The following STK33 variants were observed in gnomAD, a reference collection of about 807,000 sequenced individuals.
STK33 encodes serine/threonine kinase 33.
In STK33, 52 loss-of-function variants were observed where a neutral mutation model predicts 58.0. The observed-to-expected ratio is 0.90, with a 90% CI of 0.72 to 1.13. The LOEUF (loss-of-function observed/expected upper bound fraction) is 1.13. Ranked by LOEUF, STK33 falls within the 50% of genes most tolerant of loss-of-function variation. The probability of loss-of-function intolerance (pLI) is 0.00; values close to 1 mark genes in which losing one functional copy is unlikely to be tolerated. For missense variants in STK33, 630 were observed against 604.2 expected, an observed-to-expected ratio of 1.04 and a Z score of -0.45; for synonymous variants, 215 against 200.1, an observed-to-expected ratio of 1.07 and a Z score of -0.63.
Position 8,535,079 on chromosome 11 carries a change from C to T in STK33, c.-465-54465G>A, listed in dbSNP as rs138745384. 7.0e-3 allele frequency among the ~76,000 whole-genome samples: 1,064 copies of T among 152,164 alleles called. 12 individuals are homozygous for T. Among genetic ancestry groups the T allele is most frequent in the African/African-American group, 0.023 (969 of 41,516 alleles). ...CTTAGGAAAAAATATTTCCTTTATA[C>T]AAAATAGACGAGAGAACATGGATAT... On this transcript the variant is annotated intron_variant, in intron 1 of 15. Transcript: ENST00000687296.
chr11:8,552,354 T>G (rs955462633), intron 1 of STK33, among the ~76,000 whole-genome samples: 1 of 152,212 alleles, frequency 6.6e-6, no homozygotes, highest in African/African-American at 2.4e-5. Flanking sequence ...AGTTGTATTT[T>G]TGTAGGGAGA....
intron 14 of STK33, among the ~76,000 whole-genome samples, chr11:8,428,141 T>C (rs1942993830): frequency 6.6e-6 from 1 of 152,172 alleles, no homozygotes; most frequent in Non-Finnish European, 1.5e-5. Flanking sequence ...ACTCCTAAAG[T>C]ACACCAAAAG....
chr11:8,588,337 C>T (rs2032050087), intron 1 of STK33, among the ~76,000 whole-genome samples: 1 of 152,186 alleles, frequency 6.6e-6, no homozygotes, highest in East Asian at 1.9e-4. Context: ...CTGGAATGTC[C>T]TCTGTGTAGG....
intron 1 of STK33, among the ~76,000 whole-genome samples, chr11:8,551,540 A>G (rs1406854946): frequency 6.6e-6 from 1 of 152,108 alleles, no homozygotes; most frequent in Non-Finnish European, 1.5e-5. Flanking sequence ...AGTTTTCACA[A>G]TCCTTGTGTC....
intron 15 of STK33, among the ~76,000 whole-genome samples, chr11:8,401,284 G>A (rs1283675533): frequency 6.6e-6 from 1 of 152,052 alleles, no homozygotes; most frequent in Non-Finnish European, 1.5e-5. Context: ...TAGACCAATG[G>A]AACAGAACAG....
chr11:8,373,777 T>G, the STK33 span, among the ~76,000 whole-genome samples: 3 of 152,172 alleles, frequency 2.0e-5, no homozygotes, highest in African/African-American at 7.2e-5. Context: ...CGGCTGAGTG[T>G]GAGCTGGAAA....
At chr11:8,550,085 A>G (rs149996059) in intron 1 of STK33, among the ~76,000 whole-genome samples, 31 of 152,366 alleles carry the variant, frequency 2.0e-4, no homozygotes, top group African/African-American at 7.0e-4. Context: ...ATATATCAGC[A>G]TCTTCTGCAA....
chr11:8,446,226 C>T (rs1005588178), intron 11 of STK33, among the ~76,000 whole-genome samples: 2 of 151,902 alleles, frequency 1.3e-5, no homozygotes, highest in African/African-American at 4.8e-5. Flanking sequence ...GTGCTGATAT[C>T]CTCTTTACCA....
chr11:8,454,758 T>G lies in STK33; in HGVS notation c.772A>C (p.Asn258His). 2 of 1,579,052 alleles carry G rather than the reference T, an allele frequency of 1.3e-6. No individual in the cohort carries two copies. The highest frequency in any genetic ancestry group is 8.6e-7 in the Non-Finnish European group (1 of 1,160,546). Reference protein sequence around the residue: ...SSLIDDNNEINLNIKVTDFGL... With the variant: ...SSLIDDNNEIHLNIKVTDFGL... Reference sequence around the variant, plus strand: ...GCTAATCTTACCTTTATGTTTAAGTTTATTTCATTGTTATCATCAATAAGA... The same window carrying G: ...GCTAATCTTACCTTTATGTTTAAGTGTATTTCATTGTTATCATCAATAAGA... The change falls in exon 10 of 16, where the codon AAC (asparagine) becomes CAC (histidine). Residue 258 changes from asparagine (N) to histidine (H), a missense_variant. Transcript: ENST00000687296.
At chr11:8,411,569 C>T (rs1443690221) in intron 15 of STK33, among the ~76,000 whole-genome samples, 1 of 152,174 alleles carries the variant, frequency 6.6e-6, no homozygotes, top group African/African-American at 2.4e-5. Context: ...GAGAAATTCC[C>T]AAACCTAAGC....
At chr11:8,497,311 A>G (rs1373308955) in intron 1 of STK33, among the ~76,000 whole-genome samples, 1 of 152,196 alleles carries the variant, frequency 6.6e-6, no homozygotes, top group African/African-American at 2.4e-5. Flanking sequence ...TATTATTCAA[A>G]CTGTCAAAAA....
At chr11:8,400,194 G>C (rs1350908071) in intron 15 of STK33, among the ~76,000 whole-genome samples, 26 of 152,152 alleles carry the variant, frequency 1.7e-4, no homozygotes, top group Admixed American at 1.6e-3. Flanking sequence ...CAATATCCCT[G>C]ATAAACATTG....
rs971676155 is a variant in STK33 at position 8,449,023 on chromosome 11, C to T, written c.871+3799G>A. ...AAGACATTTATGCAGCCAAAAGACA[C>T]GTGAAAAAATGCTCATCATCACTGG... On this transcript the variant is annotated intron_variant, in intron 11 of 15. Transcript: ENST00000687296. 2.4e-4 allele frequency among the ~76,000 whole-genome samples: 36 copies of T among 151,790 alleles called. No homozygotes were observed. In the South Asian group the frequency reaches 2.7e-3, roughly 11 times the overall value.
intron 10 of STK33, 111 bp from the exon 11 acceptor site, chr11:8,453,017 TGGGA>T: frequency 2.1e-6 from 2 of 938,884 alleles, no homozygotes; most frequent in Non-Finnish European, 3.4e-6. Flanking sequence ...TTCTTGGGGG[TGGGA>T]GGACTTTAAT....
Position 8,410,481 on chromosome 11 carries a change from T to TC in STK33, c.1344+3013_1344+3014insG, listed in dbSNP as rs1395981049. Among the ~76,000 whole-genome samples, 5 of 148,794 alleles carry TC rather than the reference T, an allele frequency of 3.4e-5. No homozygotes were observed. The East Asian group carries it at 9.7e-4, about 29-fold the overall frequency. On this transcript the variant is annotated intron_variant, in intron 15 of 15. Coordinates refer to ENST00000687296, the MANE Select transcript of STK33 (RefSeq NM_001352389.2). ...TTTTCTTTTCTTTTCTTTTTTTTTT[T>TC]TTTTTTTCTGAGACAAAGTCTCATT...
At chr11:8,359,490 A>G in the STK33 span, among the ~76,000 whole-genome samples, 9 of 152,218 alleles carry the variant, frequency 5.9e-5, no homozygotes, top group Non-Finnish European at 1.0e-4. Context: ...CTGAGGTCCA[A>G]TGCTGGGGAA....
At chr11:8,515,241 A>C (rs958856057) in intron 1 of STK33, among the ~76,000 whole-genome samples, 2 of 152,216 alleles carry the variant, frequency 1.3e-5, no homozygotes, top group African/African-American at 4.8e-5. Flanking sequence ...ATTACAGCTC[A>C]TGCTACAGAA....
At chr11:8,341,038 A>C in the STK33 span, among the ~76,000 whole-genome samples, 1 of 152,140 alleles carries the variant, frequency 6.6e-6, no homozygotes, top group South Asian at 2.1e-4. Context: ...CTGTATTTTT[A>C]GTAGAGACGG....
chr11:8,560,220 C>T (rs1957029114), intron 1 of STK33, among the ~76,000 whole-genome samples: 4 of 152,194 alleles, frequency 2.6e-5, no homozygotes, highest in Admixed American at 2.0e-4. Context: ...TCAGACTGCC[C>T]TCAAGAAAGG....
Sources: allele counts gnomAD v4.1 joint callset (sites outside exome capture counted in the v4.1 genomes callset), GRCh38; gene constraint gnomAD v4.1.1; transcripts MANE v1.5; gene names NCBI Gene and HGNC (gene_info 2026-07-23, HGNC 2026-07-21).